CNST: variants seen among roughly 807,000 people sequenced by gnomAD.
CNST encodes consortin.
A neutral mutation model predicts 72.4 loss-of-function variants in CNST; 39 were observed. That is an observed-to-expected ratio of 0.54 (90% CI 0.42 to 0.70). The LOEUF is 0.70. CNST is among the 30% of genes least tolerant of loss of function. CNST has a pLI of 0.00. For synonymous variants in CNST, 332 were observed against 320.1 expected (o/e 1.04, Z -0.40); for missense variants, 871 against 868.5 (o/e 1.00, Z -0.04).
At chr1:246,632,317 C>T (rs907985678) in intron 4 of CNST, 25 of 297,802 alleles carry the variant, frequency 8.4e-5, no homozygotes, top group Admixed American at 6.4e-4. Context: ...GCGCCACAGA[C>T]TTGGGACCCG....
chr1:246,646,172 C>T (rs1352930137), intron 8 of CNST, among the ~76,000 whole-genome samples: 5 of 150,074 alleles, frequency 3.3e-5, no homozygotes, highest in Non-Finnish European at 7.4e-5. Context: ...CCCAGCTACT[C>T]GGGAGGCTGA....
At chr1:246,657,483 G>A (rs767010888) in intron 9 of CNST, among the ~76,000 whole-genome samples, 4 of 152,158 alleles carry the variant, frequency 2.6e-5, no homozygotes, top group Non-Finnish European at 4.4e-5. Context: ...GGCGTGGTTC[G>A]ATTTTTAGCA....
intron 10 of CNST, among the ~76,000 whole-genome samples, chr1:246,664,629 T>C (rs905292049): frequency 2.0e-5 from 3 of 151,996 alleles, no homozygotes; most frequent in Admixed American, 6.6e-5. Context: ...GGTTTCACCG[T>C]GTCAGCCAGG....
At chr1:246,656,943 A>G (rs113503297) in intron 9 of CNST, among the ~76,000 whole-genome samples, 4,149 of 152,274 alleles carry the variant, frequency 0.027, 193 homozygotes, top group African/African-American at 0.094. Flanking sequence ...AAAAACAGAC[A>G]AAAACAAAAC....
chr1:246,582,338 G>A (rs1330280778), intron 1 of CNST, among the ~76,000 whole-genome samples: 2 of 149,752 alleles, frequency 1.3e-5, no homozygotes, highest in African/African-American at 2.5e-5. Context: ...CCTGCAAACT[G>A]TGAACTCCAC....
intron 2 of CNST, among the ~76,000 whole-genome samples, chr1:246,596,872 G>T (rs1661923179): frequency 6.6e-6 from 1 of 152,158 alleles, no homozygotes; most frequent in South Asian, 2.1e-4. Context: ...TTTCATGGTT[G>T]ACCCATTTTG....
At chr1:246,618,257 G>C (rs938438790) in intron 2 of CNST, among the ~76,000 whole-genome samples, 1 of 152,136 alleles carries the variant, frequency 6.6e-6, no homozygotes, top group Non-Finnish European at 1.5e-5. Context: ...CTTCGTTTTA[G>C]GTAAGGAAAC....
intron 1 of CNST, among the ~76,000 whole-genome samples, chr1:246,585,433 G>C (rs908212114): frequency 1.3e-5 from 2 of 151,846 alleles, no homozygotes; most frequent in Non-Finnish European, 2.9e-5. Flanking sequence ...AATCACTTGA[G>C]GTCAGGAGTT....
intron 10 of CNST, among the ~76,000 whole-genome samples, chr1:246,661,734 A>C (rs1485985808): frequency 6.6e-6 from 1 of 152,224 alleles, no homozygotes; most frequent in African/African-American, 2.4e-5. Context: ...TCTCATATTC[A>C]TAAAACAACT....
intron 1 of CNST, among the ~76,000 whole-genome samples, chr1:246,572,024 C>T (rs190448165): frequency 6.6e-6 from 1 of 152,068 alleles, no homozygotes; most frequent in East Asian, 1.9e-4. Flanking sequence ...AATTAGGTGA[C>T]TGTGGTTTTC....
intron 9 of CNST, among the ~76,000 whole-genome samples, chr1:246,657,907 A>G (rs1254969428): frequency 6.6e-6 from 1 of 151,376 alleles, no homozygotes; most frequent in Admixed American, 6.6e-5. Flanking sequence ...AATTCATATC[A>G]GAAAGATCAA....
At chr1:246,643,475 GACTT>G (rs1007326157) in intron 8 of CNST, among the ~76,000 whole-genome samples, 12 of 152,210 alleles carry the variant, frequency 7.9e-5, no homozygotes, top group African/African-American at 2.9e-4. Flanking sequence ...TTGAGTTTGA[GACTT>G]ACTTAGCATG....
chr1:246,567,298 A>G (rs571276593), intron 1 of CNST, among the ~76,000 whole-genome samples: 9 of 152,286 alleles, frequency 5.9e-5, no homozygotes, highest in African/African-American at 1.7e-4. Context: ...ATGCGATTTA[A>G]AAGACCCAAT....
intron 3 of CNST, among the ~76,000 whole-genome samples, chr1:246,622,416 T>G (rs1354284140): frequency 6.6e-6 from 1 of 152,156 alleles, no homozygotes; most frequent in East Asian, 1.9e-4. Flanking sequence ...CTGTGGACAC[T>G]TGGGAACAGA....
chr1:246,625,414 C>CTTTTTTTTTTTTTT (rs61588900), intron 3 of CNST, among the ~76,000 whole-genome samples: 1 of 56,102 alleles, frequency 1.8e-5, no homozygotes, highest in Non-Finnish European at 3.1e-5. Flanking sequence ...TTATTTCTTT[C>CTTTTTTTTTTTTTT]TTTTTTTTTT....
At chr1:246,620,685 A>G (rs1388203710) in intron 2 of CNST, among the ~76,000 whole-genome samples, 1 of 121,652 alleles carries the variant, frequency 8.2e-6, no homozygotes, top group Non-Finnish European at 1.7e-5. Context: ...CTCTGGGAAC[A>G]CTACAGGGAG....
rs1667439883 is a variant in CNST at position 246,667,610 on chromosome 1, T to G, written c.*1705T>G. 1 of 152,232 alleles carries G rather than the reference T, an allele frequency of 6.6e-6. No individual in the cohort carries two copies. The highest frequency in any genetic ancestry group is 1.5e-5 in the Non-Finnish European group (1 of 68,044). 9.4% of individuals were successfully genotyped at this position (152,232 alleles called of 1,614,324 possible). The stretch of plus-strand genomic sequence containing the variant: ...ACTTAAGGCTGATTTTATTAGAAGA[T>G]TATTTTAATGTTCTATTATAAATTT... On this transcript the variant is annotated 3_prime_UTR_variant, in exon 11 of 11. Transcript: ENST00000366513.
intron 6 of CNST, 136 bp downstream of exon 6, chr1:246,634,723 C>T: frequency 1.6e-6 from 1 of 620,352 alleles, no homozygotes; most frequent in Non-Finnish European, 2.8e-6. Flanking sequence ...TATTGCAAGG[C>T]TCTAGTATTG....
At chr1:246,627,542 TGAAGG>T (rs1222782130) in intron 3 of CNST, among the ~76,000 whole-genome samples, 1 of 151,950 alleles carries the variant, frequency 6.6e-6, no homozygotes, top group Non-Finnish European at 1.5e-5. Flanking sequence ...AGGACAGAGG[TGAAGG>T]GAATCTAAGC....
Sources: allele counts gnomAD v4.1 joint callset (sites outside exome capture counted in the v4.1 genomes callset), GRCh38; gene constraint gnomAD v4.1.1; transcripts MANE v1.5; gene names NCBI Gene and HGNC (gene_info 2026-07-23, HGNC 2026-07-21).